Variants in GALC observed in about 807,000 individuals in gnomAD.
GALC encodes the protein galactosylceramidase, also known as galactocerebrosidase.
GALC carries 77 observed loss-of-function variants against 91.8 expected under a neutral mutation model. The observed-to-expected ratio is 0.84, with a 90% CI of 0.70 to 1.01. The LOEUF (loss-of-function observed/expected upper bound fraction) is 1.01. Ranked by LOEUF, GALC falls within the 50% of genes least tolerant of loss-of-function variation. The pLI is 0.00. For synonymous variants in GALC, 357 were observed against 306.7 expected (o/e 1.16, Z -1.71); for missense variants, 882 against 855.9 (o/e 1.03, Z -0.38).
intron 7 of GALC, among the ~76,000 whole-genome samples, chr14:87,970,494 GATTT>G (rs754295758): frequency 7.2e-5 from 11 of 151,968 alleles, no homozygotes; most frequent in Non-Finnish European, 1.6e-4. Flanking sequence ...AAACCCAAAT[GATTT>G]ATTACATGAT....
intron 10 of GALC, among the ~76,000 whole-genome samples, chr14:87,958,507 A>G (rs1885657247): frequency 6.6e-6 from 1 of 152,202 alleles, no homozygotes; most frequent in African/African-American, 2.4e-5. Flanking sequence ...AAATTTATAT[A>G]GGAACACAAA....
chr14:87,943,194 A>G (rs925703318), intron 14 of GALC, among the ~76,000 whole-genome samples: 4 of 152,052 alleles, frequency 2.6e-5, no homozygotes, highest in Non-Finnish European at 5.9e-5. Flanking sequence ...AAAGAACAAA[A>G]ACTAGCCAAT....
At chr14:87,959,317 G>T (rs1373766542) in intron 10 of GALC, among the ~76,000 whole-genome samples, 1 of 152,002 alleles carries the variant, frequency 6.6e-6, no homozygotes, top group Non-Finnish European at 1.5e-5. Context: ...AAAAACAAAA[G>T]AAAACAAGTG....
At chr14:87,940,560 C>T (rs902840906) in intron 15 of GALC, among the ~76,000 whole-genome samples, 2 of 151,872 alleles carry the variant, frequency 1.3e-5, no homozygotes, top group African/African-American at 4.8e-5. Flanking sequence ...CATTAGGCCA[C>T]TCAATTAACC....
chr14:87,964,344 A>G (rs972361441), intron 9 of GALC, among the ~76,000 whole-genome samples: 16 of 152,132 alleles, frequency 1.1e-4, no homozygotes, highest in Non-Finnish European at 4.4e-5. Context: ...TAAAATAAAA[A>G]CAAATTCACT....
intron 16 of GALC, among the ~76,000 whole-genome samples, chr14:87,936,042 C>A (rs1178185878): frequency 6.6e-6 from 1 of 152,018 alleles, no homozygotes; most frequent in East Asian, 1.9e-4. Context: ...AAGCACAAAA[C>A]CTGTCTAACA....
chr14:87,991,859 A>C (rs1209332388), intron 1 of GALC, among the ~76,000 whole-genome samples: 1 of 152,214 alleles, frequency 6.6e-6, no homozygotes, highest in African/African-American at 2.4e-5. Flanking sequence ...CCCTAGATAT[A>C]GTATCACAAG....
intron 10 of GALC, among the ~76,000 whole-genome samples, chr14:87,956,615 CACACA>C (rs777157169): frequency 2.9e-5 from 4 of 136,472 alleles, no homozygotes; most frequent in East Asian, 2.0e-4. Flanking sequence ...CACACACACA[CACACA>C]CCATATATAT....
intron 6 of GALC, chr14:87,976,965 C>T (rs1340292162): frequency 7.0e-6 from 1 of 143,774 alleles, no homozygotes. Context: ...AAAAAAAAAA[C>T]ACAAGGGGTA....
chr14:87,954,574 A>G, intron 10 of GALC: 1 of 1,570,592 alleles, frequency 6.4e-7, no homozygotes, highest in Non-Finnish European at 8.7e-7. Context: ...GGGCAATTAC[A>G]TTTAAAGCAA....
chr14:87,962,796 C>T (rs1475877474), intron 10 of GALC, among the ~76,000 whole-genome samples: 1 of 152,084 alleles, frequency 6.6e-6, no homozygotes, highest in Admixed American at 6.6e-5. Context: ...GAGATCTCCC[C>T]ACACTGGCAC....
chr14:87,992,881 C>G, intron 1 of GALC, 89 bp downstream of exon 1: 1 of 1,412,002 alleles, frequency 7.1e-7, no homozygotes, highest in South Asian at 1.5e-5. Context: ...CCGGTGGAAA[C>G]GCAGGGCAAC....
chr14:87,958,706 A>G (rs1173756829), intron 10 of GALC, among the ~76,000 whole-genome samples: 2 of 152,144 alleles, frequency 1.3e-5, no homozygotes, highest in Non-Finnish European at 2.9e-5. Flanking sequence ...CCCTATGACC[A>G]ACTAATTTTC....
intron 7 of GALC, among the ~76,000 whole-genome samples, chr14:87,975,061 A>G (rs1886439269): frequency 6.6e-6 from 1 of 152,100 alleles, no homozygotes; most frequent in Non-Finnish European, 1.5e-5. Flanking sequence ...TTTAATTTCA[A>G]TGTATAAAAT....
chr14:87,974,659 CT>C (rs1886422949), intron 7 of GALC, among the ~76,000 whole-genome samples: 1 of 151,794 alleles, frequency 6.6e-6, no homozygotes, highest in Non-Finnish European at 1.5e-5. Flanking sequence ...AAGAATACAT[CT>C]TAATAAATCA....
intron 16 of GALC, among the ~76,000 whole-genome samples, chr14:87,938,706 G>A (rs1884698642): frequency 6.6e-6 from 1 of 151,822 alleles, no homozygotes; most frequent in African/African-American, 2.4e-5. Flanking sequence ...GTTTAGCTTG[G>A]GGGAAAAATG....
chr14:87,957,616 C>T (rs1885610460), intron 10 of GALC, among the ~76,000 whole-genome samples: 1 of 152,052 alleles, frequency 6.6e-6, no homozygotes, highest in Non-Finnish European at 1.5e-5. Context: ...TCTGTTGATA[C>T]ATGACTGCTA....
In GALC at chr14:87,984,610, T is replaced by C. The variant is rs1264004955; in HGVS notation, c.443-77A>G. 4.6e-6 allele frequency: 7 copies of C among 1,511,922 alleles called. No individual in the cohort carries two copies. In the African/African-American group the frequency reaches 9.7e-5, roughly 21 times the overall value. 93.7% of individuals were successfully genotyped at this position (1,511,922 alleles called of 1,614,324 possible). On this transcript the variant is annotated intron_variant, in intron 4 of 16. Coordinates refer to ENST00000261304, the MANE Select transcript of GALC (RefSeq NM_000153.4). ...GCTATTGAAAATAAAACAAATTTTTTTTAAGAAAAGCATTCAACTAGCAAA... is the reference window on the plus strand; with the variant it reads ...GCTATTGAAAATAAAACAAATTTTTCTTAAGAAAAGCATTCAACTAGCAAA...
intron 7 of GALC, among the ~76,000 whole-genome samples, chr14:87,971,165 A>T (rs955139118): frequency 6.6e-6 from 1 of 152,182 alleles, no homozygotes; most frequent in Non-Finnish European, 1.5e-5. Flanking sequence ...AAACTCACAG[A>T]TAACACTGCC....
Sources: gnomAD v4.1 joint callset for allele counts (sites outside exome capture counted in the v4.1 genomes callset) on GRCh38, gnomAD v4.1.1 for gene constraint, MANE v1.5 for transcripts, NCBI Gene and HGNC (gene_info 2026-07-23, HGNC 2026-07-21) for gene names.